SORCS2: variants seen among roughly 807,000 people sequenced by gnomAD.
The protein encoded by SORCS2 is sortilin related VPS10 domain containing receptor 2, also known as VPS10 domain-containing receptor SorCS2.
A neutral mutation model predicts 141.6 loss-of-function variants in SORCS2; 100 were observed. The observed-to-expected ratio is 0.71, with a 90% CI of 0.60 to 0.83. The LOEUF (loss-of-function observed/expected upper bound fraction) is 0.83, where lower values mean the gene tolerates loss of function less well. Among genes scored for constraint, SORCS2 ranks in the 40% least tolerant of loss-of-function variants. SORCS2 has a pLI of 0.00. For synonymous variants in SORCS2, 789 were observed against 676.9 expected (o/e 1.17, Z -2.57); for missense variants, 1,646 against 1,560.2 (o/e 1.05, Z -0.93).
At chr4:7,645,596 GTC>G (rs1453204950) in intron 4 of SORCS2, among the ~76,000 whole-genome samples, 4 of 152,180 alleles carry the variant, frequency 2.6e-5, no homozygotes, top group African/African-American at 9.7e-5. Flanking sequence ...CTCTCACACT[GTC>G]TGTCAGGCCC....
chr4:7,369,336 A>G (rs1722105179), intron 1 of SORCS2, among the ~76,000 whole-genome samples: 1 of 152,122 alleles, frequency 6.6e-6, no homozygotes, highest in South Asian at 2.1e-4. Context: ...CAAAACACCA[A>G]AAACCTCTTT....
intron 3 of SORCS2, among the ~76,000 whole-genome samples, chr4:7,567,865 C>T (rs1715130652): frequency 6.6e-6 from 1 of 152,202 alleles, no homozygotes. Flanking sequence ...TTTCTCCTTT[C>T]AGCTATAATC....
At chr4:7,274,791 G>T (rs192117436) in intron 1 of SORCS2, among the ~76,000 whole-genome samples, 1 of 152,274 alleles carries the variant, frequency 6.6e-6, no homozygotes, top group East Asian at 1.9e-4. Flanking sequence ...TGTGGGCCTG[G>T]TGTATCCCAC....
At chr4:7,740,134 C>A in intron 26 of SORCS2, 66 bp from the exon 27 acceptor site, 1 of 1,417,038 alleles carries the variant, frequency 7.1e-7, no homozygotes, top group Non-Finnish European at 9.7e-7. Context: ...ACGACCGTGT[C>A]CCCTGTGGCC....
rs763096569 is a variant in SORCS2 at position 7,734,226 on chromosome 4, A to T, written c.3209-46A>T. The T allele has an allele frequency of 1.7e-4, 246 of 1,425,890 alleles. No homozygotes were observed. In the Middle Eastern group the frequency reaches 3.3e-3, roughly 19 times the overall value. 88.3% of individuals were successfully genotyped at this position (1,425,890 alleles called of 1,614,324 possible). A position where few individuals can be genotyped will look rare whatever the true frequency, so the allele number is the denominator to read the frequency against. On this transcript the variant is annotated intron_variant, in intron 24 of 26. Transcript: ENST00000507866. Reference sequence around the variant, plus strand: ...GGGATGGGCTGGGGATGGGACAGGGATGGGCGGTGCCCGAGGTCCTCCACT... The same window carrying T: ...GGGATGGGCTGGGGATGGGACAGGGTTGGGCGGTGCCCGAGGTCCTCCACT...
intron 3 of SORCS2, among the ~76,000 whole-genome samples, chr4:7,609,167 C>T (rs1284057347): frequency 6.6e-6 from 1 of 151,968 alleles, no homozygotes; most frequent in African/African-American, 2.4e-5. Context: ...TGATGCTTAA[C>T]CTCTCTGAAC....
At chr4:7,331,959 C>T (rs1719680750) in intron 1 of SORCS2, among the ~76,000 whole-genome samples, 1 of 152,192 alleles carries the variant, frequency 6.6e-6, no homozygotes, top group Non-Finnish European at 1.5e-5. Flanking sequence ...AGCGTCCGCC[C>T]TCTGCCAGGC....
chr4:7,650,754 A>AGCCCC (rs1721392382), intron 4 of SORCS2, among the ~76,000 whole-genome samples: 1 of 44,226 alleles, frequency 2.3e-5, no homozygotes, highest in Non-Finnish European at 4.6e-5. Flanking sequence ...AGCCCAGCCC[A>AGCCCC]GCCCAGCCCA....
At chr4:7,485,397 C>T (rs1730915135) in intron 2 of SORCS2, among the ~76,000 whole-genome samples, 1 of 152,240 alleles carries the variant, frequency 6.6e-6, no homozygotes, top group South Asian at 2.1e-4. Context: ...CACACCAGGG[C>T]TGGCTCAGGC....
In SORCS2 at chr4:7,396,347, T is replaced by A; in HGVS notation, c.540T>A (p.Ser180=). 4 of 1,614,002 alleles carry A rather than the reference T, an allele frequency of 2.5e-6. No individual in the cohort carries two copies. The highest frequency in any genetic ancestry group is 3.4e-6 in the Non-Finnish European group (4 of 1,179,870). Residue 180 remains serine (S), a synonymous_variant, in exon 2 of 27, where the codon TCT becomes TCA. Transcript: ENST00000507866. ...HADMGKVLES[S]LWRSSDFGTS... is the part of the protein sequence containing the mutation. The stretch of plus-strand genomic sequence containing the variant: ...ACATGGGGAAGGTTCTGGAAAGTTC[T>A]CTGTGGCGGTAAGTCAGCCCGATGG...
At chr4:7,196,368 G>C (rs554609004) in intron 1 of SORCS2, among the ~76,000 whole-genome samples, 1 of 152,010 alleles carries the variant, frequency 6.6e-6, no homozygotes, top group Admixed American at 6.6e-5. Context: ...CTGGGGTTGC[G>C]GTTTCATGTT....
chr4:7,386,213 G>A (rs1431909880), intron 1 of SORCS2, among the ~76,000 whole-genome samples: 6 of 85,370 alleles, frequency 7.0e-5, no homozygotes, highest in South Asian at 4.6e-4. Flanking sequence ...TTGCACACAC[G>A]CACACACATG....
intron 1 of SORCS2, among the ~76,000 whole-genome samples, chr4:7,314,246 A>G (rs1718391761): frequency 6.6e-6 from 1 of 152,160 alleles, no homozygotes; most frequent in African/African-American, 2.4e-5. Flanking sequence ...GCACACGGAG[A>G]ACGAGGCAGC....
intron 24 of SORCS2, among the ~76,000 whole-genome samples, chr4:7,733,949 G>A (rs955855502): frequency 1.5e-4 from 23 of 152,116 alleles, no homozygotes; most frequent in African/African-American, 4.6e-4. Context: ...CATCAGGAGC[G>A]CCGGCCACGG....
At chr4:7,516,885 C>T (rs577386956) in intron 2 of SORCS2, among the ~76,000 whole-genome samples, 26 of 152,294 alleles carry the variant, frequency 1.7e-4, no homozygotes, top group Admixed American at 7.8e-4. Flanking sequence ...GAGTTGGGGC[C>T]GCATGTTGTG....
chr4:7,588,724 C>T (rs1158799091), intron 3 of SORCS2, among the ~76,000 whole-genome samples: 2 of 152,110 alleles, frequency 1.3e-5, no homozygotes, highest in East Asian at 1.9e-4. Context: ...GGCTTCCTGT[C>T]CTGGAAGAGG....
At position 7,365,689 on chromosome 4, in the gene SORCS2, C is replaced by T. The variant is rs1434019307; in HGVS notation, c.481-30599C>T. Among the ~76,000 whole-genome samples, 4 of 152,130 alleles carry T rather than the reference C, an allele frequency of 2.6e-5. No homozygotes were observed. In the South Asian group the frequency reaches 8.3e-4, roughly 32 times the overall value. The stretch of plus-strand genomic sequence containing the variant: ...GGGTTGGTGCAGACAATGGGCACCC[C>T]GGCGTGCAGGCTTTGTGCCTGTCGA... On this transcript the variant is annotated intron_variant, in intron 1 of 26. Transcript: ENST00000507866.
At chr4:7,416,140 G>A (rs909835240) in intron 2 of SORCS2, among the ~76,000 whole-genome samples, 16 of 152,178 alleles carry the variant, frequency 1.1e-4, no homozygotes, top group African/African-American at 3.9e-4. Flanking sequence ...CCGGCCGGAG[G>A]GGCCTGGACT....
intron 8 of SORCS2, among the ~76,000 whole-genome samples, chr4:7,671,011 C>G (rs1163639943): frequency 6.6e-6 from 1 of 152,148 alleles, no homozygotes; most frequent in African/African-American, 2.4e-5. Flanking sequence ...CCCCCTTTTC[C>G]CTTTTGGGAG....
Sources: gnomAD v4.1 joint callset for allele counts (sites outside exome capture counted in the v4.1 genomes callset) on GRCh38, gnomAD v4.1.1 for gene constraint, MANE v1.5 for transcripts, NCBI Gene and HGNC (gene_info 2026-07-23, HGNC 2026-07-21) for gene names.